Variants in CD300C observed in about 807,000 individuals in gnomAD.
The protein encoded by CD300C is CMRF35-like molecule 6.
Under a neutral mutation model 18.4 loss-of-function variants are expected in CD300C, and 11 were observed. That is an observed-to-expected ratio of 0.60 (90% CI 0.38 to 0.99). CD300C has a LOEUF of 0.99. Ranked by LOEUF, CD300C falls within the 50% of genes least tolerant of loss-of-function variation. The pLI, the probability that CD300C is intolerant of heterozygous loss-of-function variation, is 0.01. For synonymous variants in CD300C, 116 were observed against 116.3 expected (o/e 1.00, Z 0.02); for missense variants, 277 against 287.4 (o/e 0.96, Z 0.26).
Position 74,544,673 on chromosome 17 carries a change from C to T in CD300C, c.336G>A (p.Val112=), listed in dbSNP as rs759568586. 5 of 1,614,200 alleles carry T rather than the reference C, an allele frequency of 3.1e-6. No homozygotes were observed. Among genetic ancestry groups the T allele is most frequent in the Non-Finnish European group, 4.2e-6 (5 of 1,180,046 alleles). ...EEDAGTYWCG[V]DTPWLRDFHD... ...GAAAGTCTCGGAGCCACGGTGTATCCACCCCACACCAGTAGGTGCCTGCGT... is the reference window on the plus strand; with the variant it reads ...GAAAGTCTCGGAGCCACGGTGTATCTACCCCACACCAGTAGGTGCCTGCGT... Residue 112 remains valine, a synonymous_variant, in exon 2 of 4, where the codon GTG becomes GTA. Transcript: ENST00000330793.
downstream of CD300C, among the ~76,000 whole-genome samples, chr17:74,537,754 T>C (rs6501722): frequency 0.53 from 81,091 of 151,956 alleles, 22,182 homozygotes; most frequent in Middle Eastern, 0.69. Flanking sequence ...TCCATATGCA[T>C]GTATGTGGCA....
At chr17:74,539,045 C>G (rs1908461861), downstream of CD300C, among the ~76,000 whole-genome samples, 1 of 152,318 alleles carries the variant, frequency 6.6e-6, no homozygotes, top group Admixed American at 6.5e-5. Context: ...GGAGGCTAGT[C>G]AGATACAGGA....
At chr17:74,543,262 A>T (rs977930449) in intron 2 of CD300C, among the ~76,000 whole-genome samples, 12 of 152,212 alleles carry the variant, frequency 7.9e-5, no homozygotes, top group Non-Finnish European at 1.8e-4. Context: ...GTTTCACCCC[A>T]GCCAGGGAGG....
At chr17:74,543,028 G>A (rs1381623929) in intron 2 of CD300C, 41 bp from the exon 3 acceptor site, 1 of 1,610,638 alleles carries the variant, frequency 6.2e-7, no homozygotes, top group Non-Finnish European at 8.5e-7. Context: ...ACATCACATG[G>A]GTCTCCCACT....
downstream of CD300C, among the ~76,000 whole-genome samples, chr17:74,537,268 A>C (rs961594881): frequency 6.6e-6 from 1 of 152,216 alleles, no homozygotes; most frequent in Non-Finnish European, 1.5e-5. Context: ...TGTGCGAGTT[A>C]TGGTATGCTC....
At chr17:74,541,862 C>T (rs1908563284) in intron 3 of CD300C, 126 bp from the exon 4 acceptor site, 2 of 966,374 alleles carry the variant, frequency 2.1e-6, no homozygotes, top group Admixed American at 2.5e-5. Context: ...CCCCCCTGGA[C>T]AGTCCATCCC....
At chr17:74,535,951 G>A in the CD300C span, among the ~76,000 whole-genome samples, 10 of 152,256 alleles carry the variant, frequency 6.6e-5, no homozygotes, top group African/African-American at 2.2e-4. Flanking sequence ...CACCTGCCAG[G>A]GGTTGCATTG....
chr17:74,541,290 C>T lies in CD300C; in HGVS notation c.*299G>A, dbSNP rs1291870352. ...AAACGGTGGAGGAAGCAGTGCCAGGCTCCTGGAGAAATGGAAGGGTGCAGG... is the reference window on the plus strand; with the variant it reads ...AAACGGTGGAGGAAGCAGTGCCAGGTTCCTGGAGAAATGGAAGGGTGCAGG... On this transcript the variant is annotated 3_prime_UTR_variant, in exon 4 of 4. Transcript: ENST00000330793. The T allele has an allele frequency of 9.4e-6, 3 of 319,920 alleles. No individual in the cohort carries two copies. The highest frequency in any genetic ancestry group is 1.8e-5 in the Non-Finnish European group (3 of 165,404). The allele number at this position is 319,920 out of a possible 1,614,324, so 19.8% of individuals were successfully genotyped here. A position where few individuals can be genotyped will look rare whatever the true frequency, so the allele number is the denominator to read the frequency against.
intron 2 of CD300C, 66 bp from the exon 3 acceptor site, chr17:74,543,053 C>G: frequency 6.3e-7 from 1 of 1,595,924 alleles, no homozygotes; most frequent in Admixed American, 1.7e-5. Flanking sequence ...CTCACCTGTT[C>G]TGCTCCAATT....
At chr17:74,541,801 TC>T in intron 3 of CD300C, 65 bp from the exon 4 acceptor site, 1 of 1,544,838 alleles carries the variant, frequency 6.5e-7, no homozygotes, top group Non-Finnish European at 8.7e-7. Flanking sequence ...CCCTCCACCA[TC>T]CCCTGACCCT....
downstream of CD300C, among the ~76,000 whole-genome samples, chr17:74,538,422 A>T (rs953470782): frequency 6.6e-6 from 1 of 152,068 alleles, no homozygotes. Context: ...GCAGTGAGTT[A>T]CCTCCCCAGG....
At chr17:74,545,034 C>G in intron 1 of CD300C, 87 bp from the exon 2 acceptor site, 2 of 1,282,514 alleles carry the variant, frequency 1.6e-6, no homozygotes, top group South Asian at 1.4e-5. Flanking sequence ...GGACCCTGGG[C>G]GTGTGGAGAA....
At position 74,545,759 on chromosome 17, in the gene CD300C, C is replaced by A; in HGVS notation, c.24G>T (p.Ser8=). 1 of 1,609,564 alleles carries A rather than the reference C, an allele frequency of 6.2e-7. No homozygotes were observed. Among genetic ancestry groups the A allele is most frequent in the Non-Finnish European group, 8.5e-7 (1 of 1,178,348 alleles). Residue 8 remains serine, a synonymous_variant, in exon 1 of 4, where the codon TCG becomes TCT. Transcript: ENST00000330793. Reference sequence around the variant, plus strand: ...GGAGGAGCAGAGCTGAAGACCGCCACGAGGCCCAGGCCCTGGCAGTCATTC... The same window carrying A: ...GGAGGAGCAGAGCTGAAGACCGCCAAGAGGCCCAGGCCCTGGCAGTCATTC... The part of the protein sequence containing the change: MTARAWA[S]WRSSALLLLL...
Position 74,543,005 on chromosome 17 carries a change from G to A in CD300C, c.401-18C>T. On this transcript the variant is annotated intron_variant, in intron 2 of 3. Coordinates refer to ENST00000330793, the MANE Select transcript of CD300C (RefSeq NM_006678.5). The stretch of plus-strand genomic sequence containing the variant: ...CGTCCCGGCTGTGGGTGAAACACAG[G>A]TCAACCTTGATGACATCACATGGGT... The A allele has an allele frequency of 6.2e-7, 1 of 1,612,914 alleles. No homozygotes were observed. Among genetic ancestry groups the A allele is most frequent in the Non-Finnish European group, 8.5e-7 (1 of 1,179,974 alleles).
chr17:74,537,259 G>A (rs1465053731), downstream of CD300C, among the ~76,000 whole-genome samples: 1 of 152,168 alleles, frequency 6.6e-6, no homozygotes, highest in African/African-American at 2.4e-5. Context: ...AAAGAGGGAT[G>A]TGCGAGTTAT....
In CD300C at chr17:74,542,880, C is replaced by T. The variant is rs765996056; in HGVS notation, c.508G>A (p.Glu170Lys). 3.2e-5 allele frequency: 51 copies of T among 1,608,362 alleles called. No individual in the cohort carries two copies. The Admixed American group carries it at 3.7e-4, about 12-fold the overall frequency. The change falls in exon 3 of 4, where the codon GAA becomes AAA. Residue 170 changes from glutamate (E) to lysine (K), a missense_variant. Transcript: ENST00000330793. ...CCTTACCCAGGGTGTGGGCTGGGTT[C>T]GGGGCTGTCCTTTCTGGTCACGCTG... ...WPSVTRKDSP[E>K]PSPHPGSLFS...
At chr17:74,537,159 C>A (rs144498489), downstream of CD300C, among the ~76,000 whole-genome samples, 3 of 148,902 alleles carry the variant, frequency 2.0e-5, no homozygotes, top group Admixed American at 6.7e-5. Context: ...AAGGGGAAGA[C>A]GAGAGAGAAA....
chr17:74,541,844 C>A, intron 3 of CD300C, 108 bp from the exon 4 acceptor site: 1 of 1,196,390 alleles, frequency 8.4e-7, no homozygotes, highest in Non-Finnish European at 1.2e-6. Context: ...CAGCCAACCA[C>A]ATAAGCACCC....
the CD300C span, among the ~76,000 whole-genome samples, chr17:74,535,260 A>C: frequency 6.6e-6 from 1 of 152,144 alleles, no homozygotes; most frequent in Non-Finnish European, 1.5e-5. Flanking sequence ...CGAGGTCATC[A>C]GTTCAAGACC....
Sources: allele counts gnomAD v4.1 joint callset (sites outside exome capture counted in the v4.1 genomes callset), GRCh38; gene constraint gnomAD v4.1.1; transcripts MANE v1.5; gene names NCBI Gene and HGNC (gene_info 2026-07-23, HGNC 2026-07-21).